Variants in TNS1 observed in about 807,000 individuals in gnomAD.
TNS1 encodes the protein tensin-1.
TNS1 carries 62 observed loss-of-function variants against 168.6 expected under a neutral mutation model. The ratio of observed to expected loss-of-function variants is 0.37; its 90% CI spans 0.30 to 0.45. The LOEUF is 0.45. Ranked by LOEUF, TNS1 falls within the 20% of genes least tolerant of loss-of-function variation. The pLI, the probability that TNS1 is intolerant of heterozygous loss-of-function variation, is 1.00. For synonymous variants in TNS1, 934 were observed against 933.2 expected, an observed-to-expected ratio of 1.00 and a Z score of -0.02; for missense variants, 2,240 against 2,339.4, an observed-to-expected ratio of 0.96 and a Z score of 0.88.
chr2:217,942,112 C>T (rs543252440), intron 3 of TNS1, among the ~76,000 whole-genome samples: 1 of 152,204 alleles, frequency 6.6e-6, no homozygotes, highest in African/African-American at 2.4e-5. Context: ...TTCACTGGGG[C>T]CTTGCGGGAA....
intron 16 of TNS1, among the ~76,000 whole-genome samples, chr2:217,883,646 C>A (rs978381632): frequency 6.6e-5 from 10 of 152,206 alleles, no homozygotes; most frequent in African/African-American, 2.4e-4. Context: ...TGTGACCCTT[C>A]CTTCTCTCAA....
intron 3 of TNS1, among the ~76,000 whole-genome samples, chr2:217,943,433 A>G (rs1035235270): frequency 2.0e-5 from 3 of 152,138 alleles, no homozygotes; most frequent in Non-Finnish European, 2.9e-5. Flanking sequence ...TCCCCCTGCA[A>G]TGGGCAGGCA....
Position 217,880,533 on chromosome 2 carries a change from T to G in TNS1, c.1429+365A>C, listed in dbSNP as rs1444659945. 6.6e-6 allele frequency among the ~76,000 whole-genome samples: 1 copy of G among 152,038 alleles called. No homozygotes were observed. The highest frequency in any genetic ancestry group is 1.5e-5 in the Non-Finnish European group (1 of 68,012). On this transcript the variant is annotated intron_variant, in intron 18 of 32. Coordinates refer to ENST00000682258, the MANE Select transcript of TNS1 (RefSeq NM_001387777.1). This position sits in a 1 kb window ranked among gnomAD's most constrained non-coding sequence, Gnocchi z 4.2. The stretch of plus-strand genomic sequence containing the variant: ...CAGCACAGTGGGGGGTATCTCAAGC[T>G]CCACTCAAGGCCACATCCTCCAAGG...
At chr2:217,849,491 T>A (rs914274230) in intron 18 of TNS1, among the ~76,000 whole-genome samples, 2 of 152,256 alleles carry the variant, frequency 1.3e-5, no homozygotes, top group Admixed American at 6.5e-5. Flanking sequence ...CAATATTCAT[T>A]AAATACACTG....
rs1344259072 is a variant in TNS1 at position 217,847,626 on chromosome 2, A to C, written c.2891T>G (p.Leu964Arg). The stretch of plus-strand genomic sequence containing the variant: ...CAGAGGCTGAGCAGTGAGGCCAGGG[A>C]GAGAGGCTGGGGGTTGCTGAGGCCC... Reference protein sequence around the residue: ...PPGPQQPPASLPGLTAQPLLS... With the variant: ...PPGPQQPPASRPGLTAQPLLS... The change falls in exon 19 of 33, where the codon CTC (leucine) becomes CGC (arginine). Residue 964 changes from leucine (L) to arginine (R), a missense_variant. Leu to Arg is a moderately radical substitution (Grantham distance 102). Around this residue, in one of 2 missense-constraint regions of TNS1, gnomAD observed 2,131 missense variants for 2,171.2 expected, o/e 0.98. Coordinates refer to ENST00000682258, the MANE Select transcript of TNS1 (RefSeq NM_001387777.1). The C allele has an allele frequency of 6.3e-7, 1 of 1,579,056 alleles. No homozygotes were observed. Among genetic ancestry groups the C allele is most frequent in the Non-Finnish European group, 8.7e-7 (1 of 1,154,482 alleles).
intron 3 of TNS1, among the ~76,000 whole-genome samples, chr2:217,925,055 C>T (rs1364460112): frequency 2.6e-5 from 4 of 152,266 alleles, no homozygotes; most frequent in African/African-American, 7.2e-5. Flanking sequence ...TGCTCATAAT[C>T]GTTATACCAG....
In TNS1 at chr2:217,821,760, G is replaced by A. The variant is rs764784964; in HGVS notation, c.3552C>T (p.Ser1184=). The A allele has an allele frequency of 4.7e-6, 7 of 1,494,464 alleles. No individual in the cohort carries two copies. In the South Asian group the frequency reaches 8.5e-5, roughly 18 times the overall value. The allele number at this position is 1,494,464 out of a possible 1,614,324, so 92.6% of individuals were successfully genotyped here. Residue 1184 remains serine (S), a synonymous_variant, in exon 23 of 33, where the codon AGC becomes AGT. Transcript: ENST00000682258. ...FVSPSPLSTS[S]PILSADSTSV... is the part of the protein sequence containing the mutation. ...CTTACCTGTCAGCACTGAGGATGGG[G>A]CTGCTGGTGGAGAGGGGGCTGGGGG...
chr2:217,900,600 C>G (rs1477746073), intron 6 of TNS1, 88 bp from the exon 7 acceptor site: 1 of 1,335,720 alleles, frequency 7.5e-7, no homozygotes. Flanking sequence ...CGGGGGCAAA[C>G]ATGATCCTCT....
At chr2:217,974,586 C>A (rs1957849337) in intron 3 of TNS1, among the ~76,000 whole-genome samples, 3 of 152,194 alleles carry the variant, frequency 2.0e-5, no homozygotes, top group Non-Finnish European at 4.4e-5. Flanking sequence ...GAGGCTCTAC[C>A]TCTACCAGCA....
intron 19 of TNS1, among the ~76,000 whole-genome samples, chr2:217,843,582 T>C (rs560812303): frequency 1.5e-4 from 23 of 152,268 alleles, no homozygotes; most frequent in African/African-American, 5.3e-4. Flanking sequence ...GCACTAAAAA[T>C]ATGCCTTTGA....
rs144451157 is a variant in TNS1 at position 217,964,590 on chromosome 2, G to A, written c.186+14175C>T. ...GGATTAGATTAAATAGATCCTGTGT[G>A]TGCTAGGATATAGGAGTTTTGGAAG... On this transcript the variant is annotated intron_variant, in intron 3 of 32. Coordinates refer to ENST00000682258, the MANE Select transcript of TNS1 (RefSeq NM_001387777.1). Among the ~76,000 whole-genome samples the A allele has an allele frequency of 3.2e-3, 488 of 152,326 alleles. 2 individuals are homozygous for A. The highest frequency in any genetic ancestry group is 5.9e-3 in the Non-Finnish European group (402 of 68,016).
At chr2:217,907,076 T>C (rs1358069363) in intron 5 of TNS1, 134 bp downstream of exon 5, 1 of 633,146 alleles carries the variant, frequency 1.6e-6, no homozygotes, top group African/African-American at 1.8e-5. Context: ...TCCCTGCAAG[T>C]TCCCCAAATC....
intron 28 of TNS1, among the ~76,000 whole-genome samples, chr2:217,810,763 A>T (rs1940718625): frequency 6.6e-6 from 1 of 152,216 alleles, no homozygotes; most frequent in Non-Finnish European, 1.5e-5. Context: ...TAAACCATTG[A>T]TCCAGCATAA....
upstream of TNS1, among the ~76,000 whole-genome samples, chr2:218,005,656 G>C (rs976519539): frequency 6.6e-6 from 1 of 152,198 alleles, no homozygotes; most frequent in Non-Finnish European, 1.5e-5. Context: ...CCTGTGTTTT[G>C]TATCCCCAGA....
intron 2 of TNS1, among the ~76,000 whole-genome samples, chr2:217,988,959 C>A (rs1575162990): frequency 6.6e-6 from 1 of 152,140 alleles, no homozygotes; most frequent in Non-Finnish European, 1.5e-5. Flanking sequence ...GTTCAGTGGG[C>A]TCTGAGGCCC....
At chr2:218,026,138 C>T (rs1958848106) in intron 1 of TNS1, among the ~76,000 whole-genome samples, 1 of 152,166 alleles carries the variant, frequency 6.6e-6, no homozygotes, top group African/African-American at 2.4e-5. Context: ...TGATTAAGAG[C>T]TGTCAATATG....
chr2:217,859,704 G>A, intron 18 of TNS1: 1 of 1,535,200 alleles, frequency 6.5e-7, no homozygotes, highest in Non-Finnish European at 8.7e-7. Flanking sequence ...GTTCCCATCT[G>A]TGGAAATCAT....
intron 3 of TNS1, among the ~76,000 whole-genome samples, chr2:217,924,522 T>C (rs926252460): frequency 1.3e-5 from 2 of 152,218 alleles, no homozygotes; most frequent in South Asian, 2.1e-4. Context: ...ACACAGTAGG[T>C]ACACAATAAA....
At chr2:217,809,469 A>G (rs1315195769) in intron 30 of TNS1, among the ~76,000 whole-genome samples, 2 of 55,942 alleles carry the variant, frequency 3.6e-5, no homozygotes, top group African/African-American at 1.2e-4. Context: ...GCATGGATGG[A>G]TGGATGGATG....
Sources: allele counts gnomAD v4.1 joint callset (sites outside exome capture counted in the v4.1 genomes callset), GRCh38; gene constraint gnomAD v4.1.1; regional missense constraint gnomAD v4.1.1; non-coding constraint Gnocchi (gnomAD v3.1); transcripts MANE v1.5; gene names NCBI Gene and HGNC (gene_info 2026-07-23, HGNC 2026-07-21).